Variants in RALGPS2 observed in about 807,000 individuals in gnomAD.
RALGPS2 encodes Ral GEF with PH domain and SH3 binding motif 2.
Under a neutral mutation model 86.8 loss-of-function variants are expected in RALGPS2, and 43 were observed. The ratio of observed to expected loss-of-function variants is 0.50; its 90% confidence interval spans 0.39 to 0.64. RALGPS2 has a LOEUF of 0.64. Among genes scored for constraint, RALGPS2 ranks in the 30% least tolerant of loss-of-function variants. The pLI is 0.00. For synonymous variants in RALGPS2, 243 were observed against 231.3 expected (o/e 1.05, Z -0.46); for missense variants, 536 against 694.6 (o/e 0.77, Z 2.57).
chr1:178,891,680 C>G (rs950583602), intron 14 of RALGPS2, among the ~76,000 whole-genome samples: 5 of 151,646 alleles, frequency 3.3e-5, no homozygotes, highest in Admixed American at 2.6e-4. Context: ...TTGGCTTTGT[C>G]AGTTAATGTA....
intron 2 of RALGPS2, among the ~76,000 whole-genome samples, chr1:178,783,012 A>G (rs953062629): frequency 6.6e-6 from 1 of 152,206 alleles, no homozygotes; most frequent in African/African-American, 2.4e-5. Context: ...ACATCAAGCA[A>G]CAGAACCACA....
intron 1 of RALGPS2, among the ~76,000 whole-genome samples, chr1:178,745,826 T>C (rs1453950458): frequency 3.0e-5 from 4 of 132,054 alleles, no homozygotes; most frequent in Non-Finnish European, 6.1e-5. Flanking sequence ...ATTCTTCTTT[T>C]TTTTTTTTTT....
At chr1:178,789,410 G>A (rs1653842487) in intron 4 of RALGPS2, among the ~76,000 whole-genome samples, 1 of 152,234 alleles carries the variant, frequency 6.6e-6, no homozygotes, top group Non-Finnish European at 1.5e-5. Context: ...TTTTTGGCCT[G>A]AAGCCAGATG....
chr1:178,816,147 A>G (rs981375907), intron 6 of RALGPS2, among the ~76,000 whole-genome samples: 1 of 152,196 alleles, frequency 6.6e-6, no homozygotes, highest in Non-Finnish European at 1.5e-5. Flanking sequence ...ACTGCCAAAT[A>G]TTGTTATTTT....
At chr1:178,915,035 G>C (rs567459702) in intron 19 of RALGPS2, among the ~76,000 whole-genome samples, 152 of 151,680 alleles carry the variant, frequency 1.0e-3, no homozygotes, top group African/African-American at 3.5e-3. Flanking sequence ...TACTGTATTA[G>C]TGAGTATTTC....
At chr1:178,873,390 AAATT>A (rs909499900) in intron 8 of RALGPS2, among the ~76,000 whole-genome samples, 52 of 151,810 alleles carry the variant, frequency 3.4e-4, no homozygotes, top group African/African-American at 1.2e-3. Flanking sequence ...AAGGAAATAA[AAATT>A]AAGACACAGA....
At chr1:178,749,753 G>A (rs1003510658) in intron 1 of RALGPS2, among the ~76,000 whole-genome samples, 2 of 151,886 alleles carry the variant, frequency 1.3e-5, no homozygotes, top group African/African-American at 4.8e-5. Context: ...CATGCACAGA[G>A]GTAGAGAGTG....
chr1:178,832,154 T>C (rs2102246504), intron 7 of RALGPS2, among the ~76,000 whole-genome samples: 1 of 152,308 alleles, frequency 6.6e-6, no homozygotes, highest in South Asian at 2.1e-4. Flanking sequence ...AATCTTGAGA[T>C]TACTAATCAA....
intron 18 of RALGPS2, among the ~76,000 whole-genome samples, chr1:178,904,201 GT>G (rs994232511): frequency 1.8e-4 from 28 of 151,650 alleles, no homozygotes; most frequent in African/African-American, 5.8e-4. Flanking sequence ...GATGGGATTG[GT>G]TTTTTTCTTA....
chr1:178,917,227 A>C lies in RALGPS2; in HGVS notation c.*868A>C, dbSNP rs570421021. The stretch of plus-strand genomic sequence containing the variant: ...AGTAAAGAGCTATAATCCCAACCTA[A>C]ACTTTTCTGAGATTTTACAATAATT... On this transcript the variant is annotated 3_prime_UTR_variant, in exon 20 of 20. Transcript: ENST00000367635. 4.1e-4 allele frequency: 62 copies of C among 152,252 alleles called. No homozygotes were observed. The highest frequency in any genetic ancestry group is 1.5e-3 in the African/African-American group (62 of 41,552). 9.4% of individuals were successfully genotyped at this position (152,252 alleles called of 1,614,324 possible). A position where few individuals can be genotyped will look rare whatever the true frequency, so the allele number is the denominator to read the frequency against.
Position 178,797,360 on chromosome 1 carries a change from G to A in RALGPS2, c.214-10685G>A, listed in dbSNP as rs557598099. ...AATTTAGCAGCTCTTGAGAGGTAGA[G>A]GTGGGGCAGGGCAAAATTCCTTTAA... On this transcript the variant is annotated intron_variant, in intron 4 of 19. Coordinates refer to ENST00000367635, the MANE Select transcript of RALGPS2 (RefSeq NM_152663.5). Among the ~76,000 whole-genome samples, 7 of 152,154 alleles carry A rather than the reference G, an allele frequency of 4.6e-5. No homozygotes were observed. In the South Asian group the frequency reaches 1.5e-3, roughly 32 times the overall value.
At chr1:178,786,883 T>C (rs1477215916) in intron 4 of RALGPS2, among the ~76,000 whole-genome samples, 1 of 152,002 alleles carries the variant, frequency 6.6e-6, no homozygotes, top group African/African-American at 2.4e-5. Flanking sequence ...CCTGTGATTT[T>C]CAAGTAAGTT....
At chr1:178,877,679 A>G in intron 9 of RALGPS2, 44 bp downstream of exon 9, 1 of 1,602,054 alleles carries the variant, frequency 6.2e-7, no homozygotes, top group Non-Finnish European at 8.5e-7. Flanking sequence ...GATTGCTGTA[A>G]TCCAGTGATT....
intron 19 of RALGPS2, among the ~76,000 whole-genome samples, chr1:178,912,459 G>A (rs549045584): frequency 6.7e-4 from 102 of 152,230 alleles, no homozygotes; most frequent in African/African-American, 2.2e-3. Flanking sequence ...AGTTTGGTGG[G>A]ACATGAAATT....
chr1:178,861,749 A>G (rs1466988002), intron 8 of RALGPS2, among the ~76,000 whole-genome samples: 1 of 152,230 alleles, frequency 6.6e-6, no homozygotes, highest in Non-Finnish European at 1.5e-5. Context: ...AAGCTTACAT[A>G]AAACAAAATT....
intron 1 of RALGPS2, among the ~76,000 whole-genome samples, chr1:178,730,131 G>A (rs150357270): frequency 5.3e-5 from 8 of 151,924 alleles, no homozygotes; most frequent in Admixed American, 1.3e-4. Context: ...TAGTAGAGAC[G>A]GGTTTTCACC....
At chr1:178,860,596 C>T (rs560166666) in intron 8 of RALGPS2, among the ~76,000 whole-genome samples, 1 of 152,274 alleles carries the variant, frequency 6.6e-6, no homozygotes, top group East Asian at 1.9e-4. Context: ...AACAACTCCC[C>T]ATTCACCCTC....
intron 10 of RALGPS2, among the ~76,000 whole-genome samples, chr1:178,880,157 C>T (rs1299135260): frequency 1.3e-5 from 2 of 152,080 alleles, no homozygotes; most frequent in African/African-American, 4.8e-5. Context: ...AAGTGAAAGA[C>T]TAGATTATTT....
intron 1 of RALGPS2, among the ~76,000 whole-genome samples, chr1:178,733,744 G>A (rs1035550146): frequency 1.2e-4 from 18 of 152,186 alleles, no homozygotes; most frequent in African/African-American, 4.3e-4. Flanking sequence ...GTATATGTGT[G>A]CATCAGAGGA....
Sources: gnomAD v4.1 joint callset for allele counts (sites outside exome capture counted in the v4.1 genomes callset) on GRCh38, gnomAD v4.1.1 for gene constraint, MANE v1.5 for transcripts, NCBI Gene and HGNC (gene_info 2026-07-23, HGNC 2026-07-21) for gene names.